The following MYO10 variants were observed in gnomAD, a reference collection of about 807,000 sequenced individuals.
MYO10 encodes unconventional myosin-X.
Under a neutral mutation model 257.3 loss-of-function variants are expected in MYO10, and 133 were observed. That is an observed-to-expected ratio of 0.52 (90% CI 0.45 to 0.60). The LOEUF is 0.60. MYO10 is among the 20% of genes least tolerant of loss of function. MYO10 has a pLI of 0.00. For synonymous variants in MYO10, 1,104 were observed against 1,028.6 expected, an observed-to-expected ratio of 1.07 and a Z score of -1.40; for missense variants, 2,399 against 2,635.7, an observed-to-expected ratio of 0.91 and a Z score of 1.97.
chr5:16,702,659 T>G, intron 23 of MYO10, 71 bp from the exon 24 acceptor site: 1 of 1,416,278 alleles, frequency 7.1e-7, no homozygotes, highest in South Asian at 1.3e-5. Context: ...GAGATCTACG[T>G]TTTTAAAACA....
At chr5:16,699,224 T>C (rs981713639) in intron 26 of MYO10, among the ~76,000 whole-genome samples, 1 of 152,164 alleles carries the variant, frequency 6.6e-6, no homozygotes, top group South Asian at 2.1e-4. Flanking sequence ...GTGTTCATGC[T>C]GGTAGGACCA....
At chr5:16,678,698 C>T (rs976627369) in intron 33 of MYO10, among the ~76,000 whole-genome samples, 17 of 152,202 alleles carry the variant, frequency 1.1e-4, no homozygotes, top group Admixed American at 2.0e-4. Context: ...GGAAAATTAT[C>T]CACCACTGAT....
At chr5:16,732,565 G>C (rs750160093) in intron 19 of MYO10, among the ~76,000 whole-genome samples, 1 of 152,152 alleles carries the variant, frequency 6.6e-6, no homozygotes, top group Admixed American at 6.5e-5. Context: ...CAAATTAGGA[G>C]GGCAGCTGTC....
intron 2 of MYO10, among the ~76,000 whole-genome samples, chr5:16,865,580 G>A (rs1161332193): frequency 6.6e-6 from 1 of 152,182 alleles, no homozygotes; most frequent in Non-Finnish European, 1.5e-5. Flanking sequence ...GGAGGCCGAG[G>A]TGGGTGGATC....
chr5:16,674,037 G>T (rs1187202640), intron 35 of MYO10, 148 bp from the exon 36 acceptor site: 2 of 672,756 alleles, frequency 3.0e-6, no homozygotes, highest in Non-Finnish European at 5.1e-6. Flanking sequence ...CTTGGCAAGG[G>T]CCCGCTTCAT....
chr5:16,920,120 A>T (rs1319835637), intron 1 of MYO10, among the ~76,000 whole-genome samples: 1 of 152,018 alleles, frequency 6.6e-6, no homozygotes, highest in Non-Finnish European at 1.5e-5. Flanking sequence ...AAAAAAGAAA[A>T]AAAATTAGCT....
intron 31 of MYO10, 90 bp downstream of exon 31, chr5:16,681,781 G>A (rs1411666751): frequency 3.5e-6 from 5 of 1,428,454 alleles, no homozygotes; most frequent in South Asian, 2.8e-5. Context: ...ACTGGGAAAA[G>A]CAGCTCGAAA....
At chr5:16,785,819 G>A (rs1016254561) in intron 4 of MYO10, among the ~76,000 whole-genome samples, 1 of 152,038 alleles carries the variant, frequency 6.6e-6, no homozygotes, top group Non-Finnish European at 1.5e-5. Flanking sequence ...GCAGTGAATG[G>A]AGATCACACC....
intron 1 of MYO10, among the ~76,000 whole-genome samples, chr5:16,900,349 T>C (rs1409401878): frequency 6.6e-6 from 1 of 152,210 alleles, no homozygotes; most frequent in African/African-American, 2.4e-5. Flanking sequence ...AGAGGAGTTT[T>C]GCAGATGTAG....
At chr5:16,708,540 G>A (rs920804725) in intron 21 of MYO10, among the ~76,000 whole-genome samples, 3 of 152,168 alleles carry the variant, frequency 2.0e-5, no homozygotes, top group African/African-American at 7.2e-5. Flanking sequence ...AAGGCAGTGA[G>A]GTGACTCGTT....
chr5:16,838,131 C>T (rs1465233316), intron 2 of MYO10, among the ~76,000 whole-genome samples: 1 of 152,068 alleles, frequency 6.6e-6, no homozygotes. Context: ...ACAATGGCCA[C>T]TAAATGTTCA....
intron 1 of MYO10, among the ~76,000 whole-genome samples, chr5:16,886,868 G>A (rs368258881): frequency 4.6e-4 from 69 of 150,152 alleles, no homozygotes; most frequent in African/African-American, 1.6e-3. Flanking sequence ...GGAGGCAGAG[G>A]TTCCAGTGAG....
intron 3 of MYO10, among the ~76,000 whole-genome samples, chr5:16,817,571 G>T (rs1742662398): frequency 6.6e-6 from 1 of 152,114 alleles, no homozygotes; most frequent in Non-Finnish European, 1.5e-5. Context: ...ATCACCCTAG[G>T]GTGGGCTTCA....
chr5:16,862,703 T>C (rs921970309), intron 2 of MYO10, among the ~76,000 whole-genome samples: 1 of 152,192 alleles, frequency 6.6e-6, no homozygotes, highest in African/African-American at 2.4e-5. Context: ...CCAGTATTAA[T>C]TAGCGGATTA....
chr5:16,799,792 C>G (rs1041265502), intron 3 of MYO10, among the ~76,000 whole-genome samples: 6 of 152,142 alleles, frequency 3.9e-5, no homozygotes, highest in African/African-American at 1.4e-4. Context: ...CTGTGCCCGG[C>G]TGAGAAAGGA....
chr5:16,845,457 A>AG (rs1406266015), intron 2 of MYO10, among the ~76,000 whole-genome samples: 1 of 152,118 alleles, frequency 6.6e-6, no homozygotes, highest in Non-Finnish European at 1.5e-5. Flanking sequence ...GCTTGAAAGA[A>AG]GGAGTTCCGC....
chr5:16,725,439 C>T (rs1040258028), intron 19 of MYO10, among the ~76,000 whole-genome samples: 5 of 152,182 alleles, frequency 3.3e-5, no homozygotes, highest in East Asian at 3.9e-4. Context: ...AAAATAGCAA[C>T]TACCCAGCCC....
At chr5:16,935,124 A>G (rs1169994107) in intron 1 of MYO10, among the ~76,000 whole-genome samples, 2 of 152,238 alleles carry the variant, frequency 1.3e-5, no homozygotes, top group Non-Finnish European at 2.9e-5. Context: ...CATCCGTTTC[A>G]TCTATTAAAA....
intron 4 of MYO10, among the ~76,000 whole-genome samples, 170 bp from the exon 5 acceptor site, chr5:16,783,639 T>C (rs1741490053): frequency 1.3e-5 from 2 of 152,250 alleles, no homozygotes; most frequent in Admixed American, 1.3e-4. Context: ...CAAAAGTCCT[T>C]TCTCCTGCTG....
Sources: gnomAD v4.1 joint callset for allele counts (sites outside exome capture counted in the v4.1 genomes callset) on GRCh38, gnomAD v4.1.1 for gene constraint, MANE v1.5 for transcripts, NCBI Gene and HGNC (gene_info 2026-07-23, HGNC 2026-07-21) for gene names.